The following CCSER1 variants were observed in gnomAD, a reference collection of about 807,000 sequenced individuals.
CCSER1 encodes the protein coiled-coil serine rich protein 1.
Under a neutral mutation model 82.0 loss-of-function variants are expected in CCSER1, and 41 were observed. That is an observed-to-expected ratio of 0.50 (90% CI 0.39 to 0.65). The LOEUF (loss-of-function observed/expected upper bound fraction) is 0.65. Among genes scored for constraint, CCSER1 ranks in the 30% least tolerant of loss-of-function variants. The pLI, the probability that CCSER1 is intolerant of heterozygous loss-of-function variation, is 0.00. For synonymous variants in CCSER1, 414 were observed against 383.9 expected (o/e 1.08, Z -0.92); for missense variants, 1,119 against 1,064.2 (o/e 1.05, Z -0.72).
chr4:90,302,897 C>A (rs114286757), intron 1 of CCSER1, among the ~76,000 whole-genome samples: 4,811 of 152,156 alleles, frequency 0.032, 242 homozygotes, highest in African/African-American at 0.1. Flanking sequence ...GAAAGCGGAG[C>A]ATGAAGTGTG....
intron 10 of CCSER1, among the ~76,000 whole-genome samples, chr4:91,559,905 T>C (rs1460918876): frequency 1.3e-5 from 2 of 151,228 alleles, no homozygotes; most frequent in Admixed American, 1.3e-4. Context: ...CATTGGTAAA[T>C]GTAATGAAAA....
chr4:90,187,437 T>TCA (rs1454987481), intron 1 of CCSER1, among the ~76,000 whole-genome samples: 17 of 148,470 alleles, frequency 1.1e-4, no homozygotes, highest in African/African-American at 2.2e-4. Flanking sequence ...CGGATTTCAC[T>TCA]CACACACACA....
chr4:91,467,293 G>A lies in CCSER1; in HGVS notation c.2218-131279G>A, dbSNP rs568201698. 2.0e-3 allele frequency among the ~76,000 whole-genome samples: 309 copies of A among 152,310 alleles called. 4 individuals carry two copies. The South Asian group carries it at 0.032, about 16-fold the overall frequency. On this transcript the variant is annotated intron_variant, in intron 10 of 10. Coordinates refer to ENST00000509176, the MANE Select transcript of CCSER1 (RefSeq NM_001145065.2). The stretch of plus-strand genomic sequence containing the variant: ...TAAATGGTACTGGGAAAACTGGCTA[G>A]CCATGTGTAGAAAGCTGAAACTGGA...
chr4:90,777,243 GCTA>G (rs1333849114), intron 7 of CCSER1, among the ~76,000 whole-genome samples: 1 of 150,110 alleles, frequency 6.7e-6, no homozygotes, highest in Non-Finnish European at 1.5e-5. Context: ...TGTAATCCCA[GCTA>G]CTTGGGGGGC....
At chr4:90,506,752 G>T (rs1473908747) in intron 5 of CCSER1, among the ~76,000 whole-genome samples, 1 of 148,506 alleles carries the variant, frequency 6.7e-6, no homozygotes, top group East Asian at 2.0e-4. Context: ...ATGACAGAGT[G>T]AGACTCCGTG....
chr4:91,486,938 T>A (rs1472512973), intron 10 of CCSER1, among the ~76,000 whole-genome samples: 1 of 152,152 alleles, frequency 6.6e-6, no homozygotes, highest in Non-Finnish European at 1.5e-5. Context: ...ATTTTAATCA[T>A]GTTGTAGTAA....
At chr4:90,765,197 G>T (rs548828785) in intron 7 of CCSER1, among the ~76,000 whole-genome samples, 1 of 152,150 alleles carries the variant, frequency 6.6e-6, no homozygotes, top group South Asian at 2.1e-4. Context: ...ACTTGAATTG[G>T]AATAACATTT....
intron 10 of CCSER1, among the ~76,000 whole-genome samples, chr4:91,170,281 CTTAAA>C (rs1289809522): frequency 2.6e-5 from 4 of 152,004 alleles, no homozygotes; most frequent in African/African-American, 9.7e-5. Context: ...TAAATTAATC[CTTAAA>C]TTAAATATGC....
chr4:90,984,184 G>C (rs1736376986), intron 9 of CCSER1, among the ~76,000 whole-genome samples: 1 of 151,774 alleles, frequency 6.6e-6, no homozygotes, highest in Non-Finnish European at 1.5e-5. Context: ...TGTCTAAGCT[G>C]TTCACACACC....
intron 10 of CCSER1, among the ~76,000 whole-genome samples, chr4:91,420,161 C>T (rs1250752377): frequency 6.6e-6 from 1 of 151,960 alleles, no homozygotes; most frequent in East Asian, 1.9e-4. Flanking sequence ...TTGGATATGA[C>T]TCCCAAAGCA....
intron 10 of CCSER1, among the ~76,000 whole-genome samples, chr4:91,201,758 AT>A (rs2149067830): frequency 6.6e-6 from 1 of 152,184 alleles, no homozygotes; most frequent in East Asian, 1.9e-4. Flanking sequence ...GTTGACTGGT[AT>A]AAGTGCTATG....
At chr4:90,457,915 G>C (rs113388076) in intron 4 of CCSER1, among the ~76,000 whole-genome samples, 1 of 152,090 alleles carries the variant, frequency 6.6e-6, no homozygotes, top group Non-Finnish European at 1.5e-5. Context: ...TCTCTTTGCC[G>C]TCCCTCCCAT....
intron 10 of CCSER1, among the ~76,000 whole-genome samples, chr4:91,136,350 C>G (rs1182867063): frequency 1.3e-5 from 2 of 152,202 alleles, no homozygotes; most frequent in South Asian, 2.1e-4. Context: ...TGTGGACTGA[C>G]AGTTAATATT....
At chr4:90,296,421 A>G (rs1004991647) in intron 1 of CCSER1, among the ~76,000 whole-genome samples, 12 of 152,000 alleles carry the variant, frequency 7.9e-5, no homozygotes, top group African/African-American at 2.7e-4. Flanking sequence ...GGATGCAAAA[A>G]TTTTCTCCTA....
chr4:90,566,624 A>G (rs942188242), intron 5 of CCSER1, among the ~76,000 whole-genome samples: 7 of 145,264 alleles, frequency 4.8e-5, no homozygotes, highest in African/African-American at 1.8e-4. Context: ...TTTTTTTAAG[A>G]CGGAGTCTCG....
intron 5 of CCSER1, among the ~76,000 whole-genome samples, chr4:90,602,420 A>T (rs1022817634): frequency 6.6e-6 from 1 of 152,076 alleles, no homozygotes; most frequent in Admixed American, 6.5e-5. Context: ...TCTATAGGCA[A>T]TATATAGTTA....
intron 1 of CCSER1, among the ~76,000 whole-genome samples, chr4:90,305,311 T>C (rs1160343477): frequency 1.3e-5 from 2 of 152,186 alleles, no homozygotes; most frequent in African/African-American, 4.8e-5. Flanking sequence ...TCAGTAATGA[T>C]GGTTGACATC....
chr4:91,411,651 A>AT (rs903663832), intron 10 of CCSER1, among the ~76,000 whole-genome samples: 10 of 148,666 alleles, frequency 6.7e-5, no homozygotes, highest in East Asian at 2.0e-4. Flanking sequence ...CATAATTATG[A>AT]TTTTTTCTCT....
At chr4:90,795,685 T>C (rs2149679292) in intron 7 of CCSER1, among the ~76,000 whole-genome samples, 1 of 152,334 alleles carries the variant, frequency 6.6e-6, no homozygotes, top group East Asian at 1.9e-4. Flanking sequence ...ACCTAGTTTA[T>C]CAAAAGTTTT....
Sources: allele counts gnomAD v4.1 joint callset (sites outside exome capture counted in the v4.1 genomes callset), GRCh38; gene constraint gnomAD v4.1.1; transcripts MANE v1.5; gene names NCBI Gene and HGNC (gene_info 2026-07-23, HGNC 2026-07-21).